C1QTNF7: variants seen among roughly 807,000 people sequenced by gnomAD.
The protein encoded by C1QTNF7 is complement C1q tumor necrosis factor-related protein 7.
C1QTNF7 carries 15 observed loss-of-function variants against 19.6 expected under a neutral mutation model. The ratio of observed to expected loss-of-function variants is 0.76; its 90% CI spans 0.51 to 1.18. The LOEUF (loss-of-function observed/expected upper bound fraction) is 1.18, where lower values mean the gene tolerates loss of function less well. Ranked by LOEUF, C1QTNF7 falls within the 50% of genes most tolerant of loss-of-function variation. The pLI, the probability that C1QTNF7 is intolerant of heterozygous loss-of-function variation, is 0.00. For missense variants in C1QTNF7, 324 were observed against 359.7 expected, an observed-to-expected ratio of 0.90 and a Z score of 0.80; for synonymous variants, 142 against 137.5, an observed-to-expected ratio of 1.03 and a Z score of -0.23.
At chr4:15,376,612 G>A (rs1717949943) in intron 1 of C1QTNF7, among the ~76,000 whole-genome samples, 3 of 152,346 alleles carry the variant, frequency 2.0e-5, no homozygotes, top group Admixed American at 6.5e-5. Context: ...CAAGGCTAGC[G>A]AGGTTTACTT....
intron 1 of C1QTNF7, among the ~76,000 whole-genome samples, chr4:15,345,477 G>A (rs28442010): frequency 0.018 from 2,664 of 152,226 alleles, 71 homozygotes; most frequent in African/African-American, 0.061. Flanking sequence ...TCCCATCAAG[G>A]ATGTCTCATT....
intron 1 of C1QTNF7, among the ~76,000 whole-genome samples, chr4:15,369,212 C>G (rs539919132): frequency 6.6e-6 from 1 of 152,296 alleles, no homozygotes; most frequent in Admixed American, 6.5e-5. Context: ...TTGAGAGTCT[C>G]TGCACACAAG....
intron 1 of C1QTNF7, among the ~76,000 whole-genome samples, chr4:15,388,165 CAGGAG>C (rs1718410370): frequency 6.6e-6 from 1 of 152,048 alleles, no homozygotes; most frequent in African/African-American, 2.4e-5. Flanking sequence ...TGAAAGTAAC[CAGGAG>C]AGAAGAGGTG....
chr4:15,441,527 C>T (rs1712755593), intron 2 of C1QTNF7, among the ~76,000 whole-genome samples: 1 of 152,202 alleles, frequency 6.6e-6, no homozygotes, highest in South Asian at 2.1e-4. Context: ...GAAATAATAT[C>T]ATCATGCTCA....
chr4:15,430,546 T>C (rs1249962077), intron 1 of C1QTNF7, among the ~76,000 whole-genome samples: 3 of 152,250 alleles, frequency 2.0e-5, no homozygotes, highest in Non-Finnish European at 2.9e-5. Context: ...AGGTTTCTTT[T>C]TGGAGTTTTA....
intron 1 of C1QTNF7, among the ~76,000 whole-genome samples, chr4:15,353,663 A>T (rs1333096710): frequency 6.6e-6 from 1 of 152,070 alleles, no homozygotes; most frequent in Non-Finnish European, 1.5e-5. Flanking sequence ...CCTGGGTCCT[A>T]ACCAGGGAGC....
At chr4:15,370,288 A>G (rs1428223201) in intron 1 of C1QTNF7, among the ~76,000 whole-genome samples, 4 of 152,252 alleles carry the variant, frequency 2.6e-5, no homozygotes. Context: ...AACTGAGAAG[A>G]ACAAGCTTGC....
intron 1 of C1QTNF7, among the ~76,000 whole-genome samples, chr4:15,433,140 A>T (rs540598439): frequency 6.6e-6 from 1 of 152,206 alleles, no homozygotes; most frequent in Non-Finnish European, 1.5e-5. Context: ...ATAGCCTTGC[A>T]CCCCATGTCT....
At chr4:15,374,494 A>T in intron 1 of C1QTNF7, 1 of 881,824 alleles carries the variant, frequency 1.1e-6, no homozygotes, top group Non-Finnish European at 1.4e-6. Context: ...TGTAATGTCG[A>T]CGTCTTCTTT....
At chr4:15,345,851 C>G (rs951141371) in intron 1 of C1QTNF7, among the ~76,000 whole-genome samples, 2 of 152,160 alleles carry the variant, frequency 1.3e-5, no homozygotes, top group Non-Finnish European at 2.9e-5. Context: ...TATATACTGT[C>G]TCTTTGTCCC....
chr4:15,341,156 C>T lies in C1QTNF7; in HGVS notation c.13+949C>T, dbSNP rs939879462. ...ACATTCATTCCTTCACGCACACAAGCGTGCTCACAGGCAAAGATTATAAAA... is the reference window on the plus strand; with the variant it reads ...ACATTCATTCCTTCACGCACACAAGTGTGCTCACAGGCAAAGATTATAAAA... On this transcript the variant is annotated intron_variant, in intron 1 of 2. Transcript: ENST00000295297. 2.6e-5 allele frequency among the ~76,000 whole-genome samples: 4 copies of T among 152,228 alleles called. No homozygotes were observed. The East Asian group carries it at 5.8e-4, about 22-fold the overall frequency.
chr4:15,425,583 T>C (rs745661141), upstream of C1QTNF7, among the ~76,000 whole-genome samples: 21 of 152,038 alleles, frequency 1.4e-4, no homozygotes, highest in Non-Finnish European at 2.1e-4. Flanking sequence ...TGCAAGTTGT[T>C]TGGATGCAAA....
At chr4:15,433,317 CT>C (rs1158027916) in intron 1 of C1QTNF7, among the ~76,000 whole-genome samples, 2 of 151,690 alleles carry the variant, frequency 1.3e-5, no homozygotes, top group East Asian at 1.9e-4. Context: ...CACACCCAGC[CT>C]TTTTTTTCTG....
At chr4:15,415,218 A>C (rs1719555429) in intron 1 of C1QTNF7, among the ~76,000 whole-genome samples, 1 of 152,238 alleles carries the variant, frequency 6.6e-6, no homozygotes, top group African/African-American at 2.4e-5. Context: ...CCAGGTGTTT[A>C]AGGTTGGCAC....
chr4:15,414,772 C>A (rs2108919862), intron 1 of C1QTNF7, among the ~76,000 whole-genome samples: 1 of 151,994 alleles, frequency 6.6e-6, no homozygotes, highest in East Asian at 1.9e-4. Context: ...CACTCTGATT[C>A]TAGAGTTGTT....
intron 1 of C1QTNF7, among the ~76,000 whole-genome samples, chr4:15,400,291 G>T (rs1253060956): frequency 6.6e-6 from 1 of 152,234 alleles, no homozygotes; most frequent in East Asian, 1.9e-4. Flanking sequence ...TCTAAAGGCA[G>T]CAGCTCCCAC....
intron 1 of C1QTNF7, among the ~76,000 whole-genome samples, chr4:15,351,551 C>T (rs997368633): frequency 6.6e-6 from 1 of 152,158 alleles, no homozygotes; most frequent in African/African-American, 2.4e-5. Flanking sequence ...CATTTCTCAA[C>T]CATGGCTGCA....
At chr4:15,426,378 C>G (rs1712050499), upstream of C1QTNF7, among the ~76,000 whole-genome samples, 1 of 152,078 alleles carries the variant, frequency 6.6e-6, no homozygotes, top group Admixed American at 6.6e-5. Flanking sequence ...TCTGAACACT[C>G]TCAGAGACAT....
Position 15,436,394 on chromosome 4 carries a change from G to A in C1QTNF7, c.238+413G>A, listed in dbSNP as rs73799870. 4.3e-3 allele frequency among the ~76,000 whole-genome samples: 648 copies of A among 152,294 alleles called. 7 individuals carry two copies. The highest frequency in any genetic ancestry group is 0.015 in the African/African-American group (611 of 41,556). On this transcript the variant is annotated intron_variant, in intron 2 of 2. Coordinates refer to ENST00000444304, the MANE Select transcript of C1QTNF7 (RefSeq NM_031911.5). ...CGCATGGATGGACAGACAGAGAGAT[G>A]GACAGAAGGGGAAATGGACAGATTA...
Sources: gnomAD v4.1 joint callset for allele counts (sites outside exome capture counted in the v4.1 genomes callset) on GRCh38, gnomAD v4.1.1 for gene constraint, MANE v1.5 for transcripts, NCBI Gene and HGNC (gene_info 2026-07-23, HGNC 2026-07-21) for gene names.